Variants in OC90 observed in about 807,000 individuals in gnomAD.
The protein encoded by OC90 is otoconin 90.
A neutral mutation model predicts 47.3 loss-of-function variants in OC90; 46 were observed. That is an observed-to-expected ratio of 0.97 (90% CI 0.77 to 1.24). OC90 has a LOEUF of 1.24. OC90 is among the 50% of genes most tolerant of loss of function. OC90 has a pLI of 0.00. For synonymous variants in OC90, 271 were observed against 219.5 expected (o/e 1.23, Z -2.07); for missense variants, 688 against 583.9 (o/e 1.18, Z -1.84).
chr8:132,045,269 A>G (rs909310407), intron 3 of OC90, among the ~76,000 whole-genome samples: 4 of 152,206 alleles, frequency 2.6e-5, no homozygotes, highest in Non-Finnish European at 5.9e-5. Context: ...CACTCCTCTG[A>G]AAGGTTGGAA....
chr8:132,024,457 G>T lies in OC90; in HGVS notation c.*24C>A. 1 of 1,514,766 alleles carries T rather than the reference G, an allele frequency of 6.6e-7. No individual in the cohort carries two copies. Among genetic ancestry groups the T allele is most frequent in the Non-Finnish European group, 8.9e-7 (1 of 1,126,240 alleles). 93.8% of individuals were successfully genotyped at this position (1,514,766 alleles called of 1,614,324 possible). On this transcript the variant is annotated 3_prime_UTR_variant, in exon 14 of 14. Coordinates refer to ENST00000254627, the MANE Select transcript of OC90 (RefSeq NM_001080399.3). ...TGGAGCAGGAGCCACGCTACTGAAG[G>T]TGTTAGCCATTTTCTCTGGGCATCT...
chr8:132,039,053 G>A lies in OC90; in HGVS notation c.528C>T (p.Ser176=), dbSNP rs765362473. Residue 176 remains serine, a synonymous_variant, in exon 7 of 14, where the codon TCC becomes TCT. Coordinates refer to ENST00000254627, the MANE Select transcript of OC90 (RefSeq NM_001080399.3). ...GAAGGTTCAGGGAAGAGTTGAGGCT[G>A]GATCGAGCCAAGCACTCTATGGCAG... The part of the protein sequence containing the change: ...DKAAIECLAR[S]SLNSSLNLLD... 2.7e-5 allele frequency: 43 copies of A among 1,613,794 alleles called. No homozygotes were observed. Among genetic ancestry groups the A allele is most frequent in the Non-Finnish European group, 3.5e-5 (41 of 1,179,864 alleles).
intron 1 of OC90, among the ~76,000 whole-genome samples, chr8:132,058,590 C>A (rs971812597): frequency 3.9e-5 from 6 of 152,140 alleles, no homozygotes; most frequent in African/African-American, 1.4e-4. Context: ...GTGCCCTGAG[C>A]CAGGCACTGA....
chr8:132,028,844 AAAG>A (rs1822827222), intron 13 of OC90, among the ~76,000 whole-genome samples: 1 of 150,454 alleles, frequency 6.6e-6, no homozygotes, highest in South Asian at 2.1e-4. Flanking sequence ...AAAGAAAAGG[AAAG>A]AAGGAAAGAG....
intron 6 of OC90, among the ~76,000 whole-genome samples, chr8:132,040,115 G>T (rs1377232376): frequency 6.6e-6 from 1 of 152,166 alleles, no homozygotes; most frequent in Non-Finnish European, 1.5e-5. Context: ...GGTTCACTGT[G>T]CCTCCCACCT....
At chr8:132,028,702 G>C (rs200325073) in intron 13 of OC90, among the ~76,000 whole-genome samples, 6 of 62,782 alleles carry the variant, frequency 9.6e-5, no homozygotes, top group Admixed American at 1.9e-4. Context: ...GAAAGAAAGA[G>C]AGACAGAAAG....
At chr8:132,058,609 G>A (rs1447649080) in intron 1 of OC90, among the ~76,000 whole-genome samples, 3 of 152,142 alleles carry the variant, frequency 2.0e-5, no homozygotes, top group African/African-American at 4.8e-5. Flanking sequence ...GAAGATGCCT[G>A]GAACTCATTT....
intron 3 of OC90, among the ~76,000 whole-genome samples, chr8:132,045,528 A>G (rs912790041): frequency 6.6e-6 from 1 of 152,208 alleles, no homozygotes; most frequent in African/African-American, 2.4e-5. Context: ...TACAATTAAT[A>G]TATAACCTTC....
At chr8:132,058,746 A>G (rs1823309496) in intron 1 of OC90, among the ~76,000 whole-genome samples, 1 of 152,206 alleles carries the variant, frequency 6.6e-6, no homozygotes, top group Non-Finnish European at 1.5e-5. Context: ...AGGACTGCCC[A>G]TAATTAATGC....
intron 13 of OC90, among the ~76,000 whole-genome samples, chr8:132,026,428 G>A (rs1207498384): frequency 1.7e-4 from 26 of 152,192 alleles, no homozygotes; most frequent in Admixed American, 1.6e-3. Flanking sequence ...CATTTCAGCA[G>A]CAGGAAGTGA....
Position 132,053,340 on chromosome 8 carries a change from G to A in OC90, c.46+1641C>T, listed in dbSNP as rs1823241720. Among the ~76,000 whole-genome samples, 3 of 152,136 alleles carry A rather than the reference G, an allele frequency of 2.0e-5. No homozygotes were observed. In the South Asian group the frequency reaches 6.2e-4, roughly 31 times the overall value. The stretch of plus-strand genomic sequence containing the variant: ...TGATGTATGTAATATATTGATATAT[G>A]TATATACTTACATTATACATATATA... On this transcript the variant is annotated intron_variant, in intron 2 of 13. Transcript: ENST00000254627.
chr8:132,030,561 A>T (rs575442568), intron 12 of OC90, among the ~76,000 whole-genome samples: 3 of 152,202 alleles, frequency 2.0e-5, no homozygotes, highest in Non-Finnish European at 4.4e-5. Context: ...TGTCTCATTG[A>T]GGGCTATGTA....
At chr8:132,055,705 C>A (rs943185047) in intron 1 of OC90, among the ~76,000 whole-genome samples, 5 of 152,102 alleles carry the variant, frequency 3.3e-5, no homozygotes, top group African/African-American at 1.2e-4. Flanking sequence ...TTGAGTATTT[C>A]GAATACTTTG....
intron 9 of OC90, among the ~76,000 whole-genome samples, chr8:132,037,039 T>G (rs1175020199): frequency 6.6e-6 from 1 of 152,228 alleles, no homozygotes; most frequent in Non-Finnish European, 1.5e-5. Context: ...AATGATAGAC[T>G]AGCTCTCAGC....
At chr8:132,058,838 A>AT (rs972143506) in intron 1 of OC90, among the ~76,000 whole-genome samples, 2 of 151,776 alleles carry the variant, frequency 1.3e-5, no homozygotes, top group African/African-American at 4.8e-5. Flanking sequence ...GAAGTGGTGG[A>AT]TTTTTCCCCC....
intron 2 of OC90, among the ~76,000 whole-genome samples, chr8:132,052,532 A>G (rs1476689716): frequency 2.0e-5 from 3 of 152,158 alleles, no homozygotes; most frequent in Non-Finnish European, 2.9e-5. Flanking sequence ...GTGCTTTCTC[A>G]CCCACACTCA....
At chr8:132,036,368 T>C (rs1405850142) in intron 9 of OC90, 1 of 780,760 alleles carries the variant, frequency 1.3e-6, no homozygotes, top group African/African-American at 1.7e-5. Flanking sequence ...CCCCTCTGCT[T>C]ACTTTTCTTG....
At chr8:132,038,934 C>T (rs1823009676) in intron 7 of OC90, 61 bp downstream of exon 7, 5 of 1,612,776 alleles carry the variant, frequency 3.1e-6, no homozygotes, top group South Asian at 1.1e-5. Flanking sequence ...AATAATTGAT[C>T]CCAAACCAGC....
intron 13 of OC90, among the ~76,000 whole-genome samples, chr8:132,026,183 T>C (rs1822755002): frequency 6.6e-6 from 1 of 152,244 alleles, no homozygotes; most frequent in Non-Finnish European, 1.5e-5. Flanking sequence ...ATGAGTTGCA[T>C]GCAGTGGGAG....
Sources: gnomAD v4.1 joint callset for allele counts (sites outside exome capture counted in the v4.1 genomes callset) on GRCh38, gnomAD v4.1.1 for gene constraint, MANE v1.5 for transcripts, NCBI Gene and HGNC (gene_info 2026-07-23, HGNC 2026-07-21) for gene names.